EIF4G3: variants seen among roughly 807,000 people sequenced by gnomAD.
The protein encoded by EIF4G3 is eIF-4-gamma 3.
EIF4G3 carries 34 observed loss-of-function variants against 186.4 expected under a neutral mutation model. The observed-to-expected ratio is 0.18, with a 90% CI of 0.14 to 0.24. EIF4G3 has a LOEUF of 0.24. Among genes scored for constraint, EIF4G3 ranks in the 10% least tolerant of loss-of-function variants. EIF4G3 has a pLI of 1.00. For synonymous variants in EIF4G3, 673 were observed against 679.5 expected, an observed-to-expected ratio of 0.99 and a Z score of 0.15; for missense variants, 1,536 against 1,948.5, an observed-to-expected ratio of 0.79 and a Z score of 3.99.
chr1:21,079,792 G>A (rs1384579592), intron 3 of EIF4G3, among the ~76,000 whole-genome samples: 1 of 151,698 alleles, frequency 6.6e-6, no homozygotes, highest in Non-Finnish European at 1.5e-5. Context: ...AATTGCTTGA[G>A]CCCTGACATT....
At chr1:21,094,476 A>G (rs535847089) in intron 2 of EIF4G3, among the ~76,000 whole-genome samples, 2 of 152,110 alleles carry the variant, frequency 1.3e-5, no homozygotes, top group South Asian at 2.1e-4. Flanking sequence ...TTGTAGGGAC[A>G]TGGATGAAGA....
intron 4 of EIF4G3, among the ~76,000 whole-genome samples, chr1:21,028,619 A>G (rs1405504178): frequency 2.0e-5 from 3 of 152,228 alleles, no homozygotes; most frequent in Non-Finnish European, 4.4e-5. Flanking sequence ...AAGCTTAAAC[A>G]TGTCATAATA....
intron 2 of EIF4G3, among the ~76,000 whole-genome samples, chr1:21,167,671 C>T (rs1002261628): frequency 7.2e-5 from 11 of 152,084 alleles, no homozygotes; most frequent in Admixed American, 5.2e-4. Flanking sequence ...GGCAGGGGAA[C>T]CGCTTGAACC....
intron 3 of EIF4G3, among the ~76,000 whole-genome samples, chr1:21,052,779 C>T (rs376096098): frequency 5.3e-5 from 8 of 152,198 alleles, no homozygotes; most frequent in East Asian, 1.9e-4. Flanking sequence ...GACGGGGTTT[C>T]GCTGTGTTGG....
intron 14 of EIF4G3, among the ~76,000 whole-genome samples, chr1:20,938,905 G>A (rs1254761005): frequency 1.3e-5 from 2 of 151,794 alleles, no homozygotes; most frequent in South Asian, 4.2e-4. Context: ...TCAGTAGTTC[G>A]AGACCAGCCT....
In EIF4G3 at chr1:21,002,789, T is replaced by C; in HGVS notation, c.-47A>G. The C allele has an allele frequency of 6.2e-7, 1 of 1,606,336 alleles. No homozygotes were observed. Among genetic ancestry groups the C allele is most frequent in the Non-Finnish European group, 8.5e-7 (1 of 1,173,542 alleles). On this transcript the variant is annotated 5_prime_UTR_variant, in exon 5 of 37. Coordinates refer to ENST00000602326, the MANE Select transcript of EIF4G3 (RefSeq NM_001391906.1). ...TACCAGCGTGGTTGGACCTGCATTCTGTCCAGAGGGATAAGGGGTCTGTCA... is the reference window on the plus strand; with the variant it reads ...TACCAGCGTGGTTGGACCTGCATTCCGTCCAGAGGGATAAGGGGTCTGTCA...
chr1:21,163,644 T>C (rs751913214), intron 2 of EIF4G3, among the ~76,000 whole-genome samples: 1 of 152,206 alleles, frequency 6.6e-6, no homozygotes, highest in Non-Finnish European at 1.5e-5. Flanking sequence ...CCAAAACAAA[T>C]AAACTGTTTT....
intron 19 of EIF4G3, among the ~76,000 whole-genome samples, chr1:20,882,485 G>C (rs1040000700): frequency 9.2e-5 from 14 of 152,006 alleles, no homozygotes; most frequent in African/African-American, 3.4e-4. Context: ...GCCGGGCATG[G>C]TGGGGCATGC....
At chr1:21,033,499 G>C (rs2092916787) in intron 4 of EIF4G3, among the ~76,000 whole-genome samples, 1 of 151,766 alleles carries the variant, frequency 6.6e-6, no homozygotes, top group Admixed American at 6.6e-5. Flanking sequence ...TGCAACAAAA[G>C]ACAGGCAAGG....
intron 34 of EIF4G3, among the ~76,000 whole-genome samples, chr1:20,816,981 C>T (rs1481025155): frequency 6.9e-6 from 1 of 145,640 alleles, no homozygotes; most frequent in Non-Finnish European, 1.5e-5. Flanking sequence ...GCTGTGTCCA[C>T]TCAGGGTTAA....
intron 13 of EIF4G3, among the ~76,000 whole-genome samples, chr1:20,943,642 A>C (rs942164303): frequency 6.6e-6 from 1 of 152,222 alleles, no homozygotes; most frequent in Non-Finnish European, 1.5e-5. Context: ...CTAAACTGAG[A>C]CTACTTTCTC....
intron 2 of EIF4G3, among the ~76,000 whole-genome samples, chr1:21,111,057 A>G (rs2096717542): frequency 6.6e-6 from 1 of 152,228 alleles, no homozygotes; most frequent in Admixed American, 6.5e-5. Flanking sequence ...TAGATAATTT[A>G]TCTTTCAGGA....
chr1:20,917,143 G>T (rs181938070), intron 14 of EIF4G3, among the ~76,000 whole-genome samples: 1 of 152,190 alleles, frequency 6.6e-6, no homozygotes, highest in African/African-American at 2.4e-5. Flanking sequence ...TCCATACTCG[G>T]CAATTTTTAA....
chr1:20,853,663 T>C lies in EIF4G3; in HGVS notation c.3448A>G (p.Ser1150Gly), dbSNP rs771419224. 30 of 1,612,004 alleles carry C rather than the reference T, an allele frequency of 1.9e-5. No individual in the cohort carries two copies. Among genetic ancestry groups the C allele is most frequent in the South Asian group, 1.1e-5 (1 of 90,970 alleles). ...KASETDALRS[S>G]ASSLNRFSAL... ...GAGAATCTGTTTAAACTGGAAGCAC[T>C]TGACCGTAAGGCATCTACACATGTC... Residue 1150 changes from serine (S) to glycine (G), a missense_variant, in exon 27 of 37, where the codon AGT becomes GGT. Physicochemically the swap from Ser to Gly is moderately conservative, Grantham distance 56 (BLOSUM62 0). Around this residue, in one of 11 missense-constraint regions of EIF4G3, gnomAD observed 395 missense variants for 498.9 expected, o/e 0.79. Transcript: ENST00000602326.
At chr1:20,887,871 T>G (rs1204787301) in intron 18 of EIF4G3, among the ~76,000 whole-genome samples, 1 of 152,202 alleles carries the variant, frequency 6.6e-6, no homozygotes, top group Non-Finnish European at 1.5e-5. Context: ...TAATGCCTGA[T>G]TTTTATAATT....
chr1:20,978,673 AG>A (rs2077341350), intron 10 of EIF4G3, among the ~76,000 whole-genome samples: 1 of 122,540 alleles, frequency 8.2e-6, no homozygotes. Context: ...CCCTTTTATC[AG>A]ATCAAAAAAA....
chr1:21,027,218 A>T lies in EIF4G3; in HGVS notation c.-67+23648T>A, dbSNP rs192546761. On this transcript the variant is annotated intron_variant, in intron 4 of 36. Coordinates refer to ENST00000602326, the MANE Select transcript of EIF4G3 (RefSeq NM_001391906.1). ...ATTTTTTTTTTTTTTTTTGAGACAG[A>T]GTCTCGCTCTGTCGCCCAGGCTGGA... Among the ~76,000 whole-genome samples, 952 of 141,102 alleles carry T rather than the reference A, an allele frequency of 6.7e-3. 10 individuals carry two copies. The highest frequency in any genetic ancestry group is 0.024 in the African/African-American group (909 of 38,192). The allele number at this position is 141,102 out of a possible 152,430, so 92.6% of individuals were successfully genotyped here.
In EIF4G3 at chr1:20,825,186, C is replaced by A. The variant is rs2063289349; in HGVS notation, c.4282G>T (p.Val1428Leu). ...TCAGCCTCCCTCCATAAGGCTCCCACTTTCTTATGGCTCTAAAATAGAGAT... is the reference window on the plus strand; with the variant it reads ...TCAGCCTCCCTCCATAAGGCTCCCAATTTCTTATGGCTCTAAAATAGAGAT... ...LLCKQMSHKKVGALWREADLS... is the reference protein window; with the variant it reads ...LLCKQMSHKKLGALWREADLS... Residue 1428 changes from valine (V) to leucine (L), a missense_variant, in exon 33 of 37, where the codon GTG (valine) becomes TTG (leucine). Around this residue, in one of 11 missense-constraint regions of EIF4G3, gnomAD observed 395 missense variants for 498.9 expected, o/e 0.79. Coordinates refer to ENST00000602326, the MANE Select transcript of EIF4G3 (RefSeq NM_001391906.1). 6.3e-7 allele frequency: 1 copy of A among 1,589,724 alleles called. No individual in the cohort carries two copies. The highest frequency in any genetic ancestry group is 8.6e-7 in the Non-Finnish European group (1 of 1,165,422).
chr1:21,038,091 C>G (rs1557651456), intron 4 of EIF4G3, among the ~76,000 whole-genome samples: 1 of 152,186 alleles, frequency 6.6e-6, no homozygotes, highest in East Asian at 1.9e-4. Flanking sequence ...TTTTTGTACT[C>G]TTTATAATTA....
Sources: gnomAD v4.1 joint callset for allele counts (sites outside exome capture counted in the v4.1 genomes callset) on GRCh38, gnomAD v4.1.1 for gene constraint, gnomAD v4.1.1 regional missense constraint, MANE v1.5 for transcripts, NCBI Gene and HGNC (gene_info 2026-07-23, HGNC 2026-07-21) for gene names.